Variants in AGT observed in about 807,000 individuals in gnomAD.
The protein encoded by AGT is alpha-1 antiproteinase, antitrypsin.
Under a neutral mutation model 28.1 loss-of-function variants are expected in AGT, and 26 were observed. The ratio of observed to expected loss-of-function variants is 0.92; its 90% CI spans 0.68 to 1.28. AGT has a LOEUF of 1.28. Among genes scored for constraint, AGT ranks in the 50% most tolerant of loss-of-function variants. The pLI is 0.00. For missense variants in AGT, 596 were observed against 592.3 expected (o/e 1.01, Z -0.06); for synonymous variants, 259 against 259.6 (o/e 1.00, Z 0.02).
At chr1:230,718,720 C>A (rs940603528), upstream of AGT, among the ~76,000 whole-genome samples, 1 of 133,428 alleles carries the variant, frequency 7.5e-6, no homozygotes, top group East Asian at 2.7e-4. Flanking sequence ...AGTTCCACAC[C>A]GCTTTTTTTT....
upstream of AGT, among the ~76,000 whole-genome samples, chr1:230,714,500 C>T (rs762922474): frequency 6.6e-6 from 1 of 152,128 alleles, no homozygotes; most frequent in African/African-American, 2.4e-5. Context: ...CAGGGACATG[C>T]AGGCCGGAGG....
At chr1:230,715,409 C>A (rs568401689), upstream of AGT, among the ~76,000 whole-genome samples, 4 of 152,256 alleles carry the variant, frequency 2.6e-5, no homozygotes, top group South Asian at 8.3e-4. Flanking sequence ...CAGTGCCTCG[C>A]ATCTGTAATT....
In AGT at chr1:230,704,307, C is replaced by T. The variant is rs1367732962; in HGVS notation, c.1128G>A (p.Val376=). 3 of 1,614,202 alleles carry T rather than the reference C, an allele frequency of 1.9e-6. No individual in the cohort carries two copies. In the South Asian group the frequency reaches 3.3e-5, roughly 18 times the overall value. The change falls in exon 4 of 5, where the codon GTG becomes GTA. Residue 376 remains valine (V), a synonymous_variant. Coordinates refer to ENST00000366667, the MANE Select transcript of AGT (RefSeq NM_001384479.1). ...RTIHLTMPQL[V]LQGSYDLQDL... ...CCTGCAGGTCATAAGATCCTTGCAG[C>T]ACCAGTTGGGGCATGGTCAGGTGGA...
At chr1:230,727,391 C>T (rs1461147404) in intron 1 of AGT, among the ~76,000 whole-genome samples, 1 of 152,134 alleles carries the variant, frequency 6.6e-6, no homozygotes, top group South Asian at 2.1e-4. Flanking sequence ...ATCCAACTGC[C>T]CTCACTGCAC....
At chr1:230,731,288 C>T (rs762149244) in intron 1 of AGT, among the ~76,000 whole-genome samples, 9 of 152,172 alleles carry the variant, frequency 5.9e-5, no homozygotes, top group African/African-American at 1.4e-4. Flanking sequence ...TGGCTTCTAG[C>T]GGTCCCACAG....
At chr1:230,720,752 C>A (rs911199483) in intron 1 of AGT, among the ~76,000 whole-genome samples, 3 of 152,178 alleles carry the variant, frequency 2.0e-5, no homozygotes, top group Admixed American at 6.5e-5. Flanking sequence ...ACTCATAAAC[C>A]AATCAACACA....
chr1:230,721,929 G>A (rs1035686599), intron 1 of AGT, among the ~76,000 whole-genome samples: 1 of 152,236 alleles, frequency 6.6e-6, no homozygotes, highest in African/African-American at 2.4e-5. Context: ...GCACAAATTT[G>A]CATAAGTAAT....
At chr1:230,711,823 A>C (rs1389035802) in intron 1 of AGT, among the ~76,000 whole-genome samples, 11 of 151,992 alleles carry the variant, frequency 7.2e-5, no homozygotes, top group African/African-American at 2.2e-4. Context: ...GTATAAAAAA[A>C]AAAAAAAAAA....
At chr1:230,712,597 T>C (rs1383257496) in intron 1 of AGT, among the ~76,000 whole-genome samples, 2 of 152,206 alleles carry the variant, frequency 1.3e-5, no homozygotes, top group African/African-American at 2.4e-5. Context: ...AACCGACTGC[T>C]GGGAAGTCCT....
upstream of AGT, among the ~76,000 whole-genome samples, chr1:230,718,722 C>CTTTTTTT (rs1228887131): frequency 5.1e-4 from 60 of 118,442 alleles, 1 homozygote; most frequent in African/African-American, 8.2e-4. Flanking sequence ...TTCCACACCG[C>CTTTTTTT]TTTTTTTTTT....
chr1:230,707,719 A>G (rs1663433021), intron 2 of AGT, among the ~76,000 whole-genome samples: 1 of 152,220 alleles, frequency 6.6e-6, no homozygotes, highest in Middle Eastern at 3.2e-3. Context: ...CTTTTCTTCC[A>G]ACAAACTAAA....
At chr1:230,742,595 G>A (rs747247294) in intron 1 of AGT, among the ~76,000 whole-genome samples, 4 of 152,122 alleles carry the variant, frequency 2.6e-5, no homozygotes, top group Non-Finnish European at 4.4e-5. Flanking sequence ...GATTACAGGC[G>A]TGAGCCACTG....
At chr1:230,724,223 C>A (rs887911489) in intron 1 of AGT, among the ~76,000 whole-genome samples, 1 of 152,156 alleles carries the variant, frequency 6.6e-6, no homozygotes, top group African/African-American at 2.4e-5. Context: ...TATTACATGG[C>A]CCTTTATAGA....
chr1:230,716,385 GA>G (rs1663738182), upstream of AGT, among the ~76,000 whole-genome samples: 1 of 152,200 alleles, frequency 6.6e-6, no homozygotes, highest in Admixed American at 6.5e-5. Flanking sequence ...GTTAGGGACA[GA>G]GCTTATCTGT....
At chr1:230,737,306 T>TTTA (rs543021308) in intron 1 of AGT, among the ~76,000 whole-genome samples, 16 of 151,826 alleles carry the variant, frequency 1.1e-4, no homozygotes, top group South Asian at 2.1e-4. Context: ...TTAGAAATTG[T>TTTA]TTATTATTAT....
intron 1 of AGT, among the ~76,000 whole-genome samples, chr1:230,711,455 G>A (rs1663588117): frequency 6.6e-6 from 1 of 152,120 alleles, no homozygotes; most frequent in Non-Finnish European, 1.5e-5. Flanking sequence ...ACTTATGGCA[G>A]CCCAAGCAGA....
At chr1:230,717,764 T>C (rs1571981171), upstream of AGT, among the ~76,000 whole-genome samples, 1 of 152,170 alleles carries the variant, frequency 6.6e-6, no homozygotes. Flanking sequence ...TGCCCATCTA[T>C]ATCATGGGGG....
At chr1:230,745,011 C>A (rs113256964) in intron 1 of AGT, among the ~76,000 whole-genome samples, 1 of 152,190 alleles carries the variant, frequency 6.6e-6, no homozygotes, top group East Asian at 1.9e-4. Flanking sequence ...GAAACAGAGC[C>A]GTCTGCCAGG....
chr1:230,715,481 C>T (rs977389911), upstream of AGT, among the ~76,000 whole-genome samples: 1 of 152,092 alleles, frequency 6.6e-6, no homozygotes, highest in Non-Finnish European at 1.5e-5. Context: ...CCACTGCACT[C>T]GAGCCTGGGC....
Sources: gnomAD v4.1 joint callset for allele counts (sites outside exome capture counted in the v4.1 genomes callset) on GRCh38, gnomAD v4.1.1 for gene constraint, MANE v1.5 for transcripts, NCBI Gene and HGNC (gene_info 2026-07-23, HGNC 2026-07-21) for gene names.